RANGAP1: variants seen among roughly 807,000 people sequenced by gnomAD.
RANGAP1 encodes Ran GTPase activating protein 1.
In RANGAP1, 38 loss-of-function variants were observed where a neutral mutation model predicts 63.5. That is an observed-to-expected ratio of 0.60 (90% confidence interval 0.46 to 0.78). The LOEUF is 0.78. RANGAP1 is among the 30% of genes least tolerant of loss of function. RANGAP1 has a pLI of 0.00. For synonymous variants in RANGAP1, 329 were observed against 310.5 expected (o/e 1.06, Z -0.63); for missense variants, 630 against 740.3 (o/e 0.85, Z 1.73).
rs1460612372 is a variant in RANGAP1 at position 41,256,309 on chromosome 22, G to A, written c.889-19C>T. 1 of 1,612,054 alleles carries A rather than the reference G, an allele frequency of 6.2e-7. No individual in the cohort carries two copies. Among genetic ancestry groups the A allele is most frequent in the East Asian group, 2.2e-5 (1 of 44,874 alleles). On this transcript the variant is annotated intron_variant, in intron 8 of 15. Transcript: ENST00000356244. ...TCAGCTCCTGAAAATAAGAGGAAGG[G>A]TTGGAGGCAGGCAGAAACCCGGGCC...
chr22:41,252,940 G>A lies in RANGAP1; in HGVS notation c.1312C>T (p.Leu438=). ...SPPPADVSTF[L]AFPSPEKLLR... Reference sequence around the variant, plus strand: ...AGCTTCTCTGGAGAGGGAAAAGCCAGGAAGGTGGAGACGTCTGCAGGAGGT... The same window carrying A: ...AGCTTCTCTGGAGAGGGAAAAGCCAAGAAGGTGGAGACGTCTGCAGGAGGT... Residue 438 remains leucine (L), a synonymous_variant, in exon 12 of 16, where the codon CTG becomes TTG. Coordinates refer to ENST00000356244, the MANE Select transcript of RANGAP1 (RefSeq NM_002883.4). 2 of 1,554,442 alleles carry A rather than the reference G, an allele frequency of 1.3e-6. No individual in the cohort carries two copies. The highest frequency in any genetic ancestry group is 8.7e-7 in the Non-Finnish European group (1 of 1,153,378).
At chr22:41,264,616 A>G in intron 5 of RANGAP1, 48 bp downstream of exon 5, 1 of 1,571,774 alleles carries the variant, frequency 6.4e-7, no homozygotes, top group African/African-American at 1.3e-5. Context: ...TGTCAGACGG[A>G]TGTGGATGGA....
chr22:41,276,145 A>G (rs905077970), intron 2 of RANGAP1, among the ~76,000 whole-genome samples: 3 of 152,254 alleles, frequency 2.0e-5, no homozygotes, highest in African/African-American at 7.2e-5. Context: ...CTTTAAAAAC[A>G]TATGTATTCA....
At chr22:41,281,118 C>A in intron 1 of RANGAP1, 36 bp from the exon 2 acceptor site, 2 of 1,505,122 alleles carry the variant, frequency 1.3e-6, no homozygotes, top group Non-Finnish European at 1.8e-6. Flanking sequence ...AAAAAGGAGT[C>A]TCCTGGGGCC....
the RANGAP1 span, among the ~76,000 whole-genome samples, chr22:41,302,165 C>T: frequency 6.6e-6 from 1 of 152,030 alleles, no homozygotes; most frequent in African/African-American, 2.4e-5. This position sits in a 1 kb window ranked among gnomAD's most constrained non-coding sequence, Gnocchi z 5.7. Flanking sequence ...CTTTGCCGAC[C>T]CCGCGCAGGG....
chr22:41,248,712 C>T (rs1479801510), intron 15 of RANGAP1, among the ~76,000 whole-genome samples: 1 of 152,234 alleles, frequency 6.6e-6, no homozygotes, highest in Admixed American at 6.5e-5. Flanking sequence ...GGGCAAGCCT[C>T]CCGACCCCTC....
In RANGAP1 at chr22:41,245,819, CT is replaced by C; in HGVS notation, c.*783del. 6.5e-6 allele frequency: 1 copy of C among 152,740 alleles called. No homozygotes were observed. Among genetic ancestry groups the C allele is most frequent in the Non-Finnish European group, 1.5e-5 (1 of 68,328 alleles). 9.5% of individuals were successfully genotyped at this position (152,740 alleles called of 1,614,324 possible). On this transcript the variant is annotated 3_prime_UTR_variant, in exon 16 of 16. Transcript: ENST00000356244. ...CGGACATTGGGGACCCTGCCTCTCC[CT>C]CCCCAGACTGGAGAACAGCTTTGGG...
chr22:41,253,033 CCA>C, intron 11 of RANGAP1, 42 bp from the exon 12 acceptor site: 6 of 1,390,484 alleles, frequency 4.3e-6, no homozygotes, highest in East Asian at 2.9e-5. Context: ...ATTCCGGACC[CCA>C]GACTCCCCGA....
chr22:41,250,829 G>A lies in RANGAP1; in HGVS notation c.1483+178C>T, dbSNP rs142511104. ...CAGTTTCTCAGTGGTGAAAAACAGG[G>A]AGAAGAGCAGCCAGCTGGCTCCACG... On this transcript the variant is annotated intron_variant, in intron 13 of 15. Coordinates refer to ENST00000356244, the MANE Select transcript of RANGAP1 (RefSeq NM_002883.4). Among the ~76,000 whole-genome samples, 429 of 152,278 alleles carry A rather than the reference G, an allele frequency of 2.8e-3. 2 individuals are homozygous for A. The highest frequency in any genetic ancestry group is 9.9e-3 in the African/African-American group (410 of 41,552).
At chr22:41,254,861 A>G (rs2033719468) in intron 10 of RANGAP1, among the ~76,000 whole-genome samples, 1 of 151,832 alleles carries the variant, frequency 6.6e-6, no homozygotes, top group Non-Finnish European at 1.5e-5. Flanking sequence ...GGTCCCAGCT[A>G]CTCAGGAGGC....
chr22:41,250,637 G>A (rs919388771), intron 13 of RANGAP1, among the ~76,000 whole-genome samples: 2 of 152,198 alleles, frequency 1.3e-5, no homozygotes, highest in Non-Finnish European at 2.9e-5. Flanking sequence ...TCCAGGTAGA[G>A]TGGACGTGAG....
chr22:41,268,930 A>C (rs73176668), intron 3 of RANGAP1, among the ~76,000 whole-genome samples: 1 of 152,282 alleles, frequency 6.6e-6, no homozygotes, highest in Non-Finnish European at 1.5e-5. Flanking sequence ...GGGACTTTTT[A>C]ACAAAGGGAG....
intron 13 of RANGAP1, among the ~76,000 whole-genome samples, chr22:41,250,272 G>A (rs1296516480): frequency 6.6e-6 from 1 of 152,226 alleles, no homozygotes; most frequent in Non-Finnish European, 1.5e-5. Flanking sequence ...GCAGGCTTGT[G>A]TCTGGCCCCC....
At chr22:41,267,299 G>A (rs558920863) in intron 4 of RANGAP1, among the ~76,000 whole-genome samples, 3 of 152,086 alleles carry the variant, frequency 2.0e-5, no homozygotes, top group Non-Finnish European at 2.9e-5. Flanking sequence ...GAGCCCAGGA[G>A]TTCAAGACCA....
Position 41,257,387 on chromosome 22 carries a change from C to T in RANGAP1, c.774+561G>A, listed in dbSNP as rs1207532993. Among the ~76,000 whole-genome samples the T allele has an allele frequency of 2.0e-5, 3 of 152,160 alleles. No individual in the cohort carries two copies. The highest frequency in any genetic ancestry group is 2.1e-4 in the South Asian group (1 of 4,832). On this transcript the variant is annotated intron_variant, in intron 7 of 15. Coordinates refer to ENST00000356244, the MANE Select transcript of RANGAP1 (RefSeq NM_002883.4). This position sits in a 1 kb window ranked among gnomAD's most constrained non-coding sequence, Gnocchi z 4.0. The stretch of plus-strand genomic sequence containing the variant: ...CCTTGAGCTAGGGTCTCCCTGAAGG[C>T]GGGGTCTTTGGCTCAACCCCATGTG...
the RANGAP1 span, among the ~76,000 whole-genome samples, chr22:41,299,728 C>T: frequency 1.3e-5 from 2 of 152,040 alleles, no homozygotes; most frequent in African/African-American, 2.4e-5. Flanking sequence ...GAAAGCCTAC[C>T]GATGCCAGCC....
the RANGAP1 span, among the ~76,000 whole-genome samples, chr22:41,298,003 G>A: frequency 2.2e-4 from 33 of 151,998 alleles, no homozygotes; most frequent in African/African-American, 7.0e-4. Flanking sequence ...GATCACAGGC[G>A]CCCGTGACCA....
chr22:41,268,412 T>C (rs2034607576), intron 3 of RANGAP1, among the ~76,000 whole-genome samples: 1 of 152,098 alleles, frequency 6.6e-6, no homozygotes, highest in African/African-American at 2.4e-5. Flanking sequence ...TCCACCACTA[T>C]GCCTGGCAAA....
intron 4 of RANGAP1, among the ~76,000 whole-genome samples, chr22:41,266,010 G>A (rs1325252959): frequency 6.6e-6 from 1 of 151,998 alleles, no homozygotes; most frequent in Non-Finnish European, 1.5e-5. Flanking sequence ...AGACCATCCT[G>A]GCTAACACAG....
Sources: gnomAD v4.1 joint callset for allele counts (sites outside exome capture counted in the v4.1 genomes callset) on GRCh38, gnomAD v4.1.1 for gene constraint, Gnocchi (gnomAD v3.1) non-coding constraint, MANE v1.5 for transcripts, NCBI Gene and HGNC (gene_info 2026-07-23, HGNC 2026-07-21) for gene names.